The following JAK2 variants were observed in gnomAD, a reference collection of about 807,000 sequenced individuals.
JAK2 encodes the protein tyrosine-protein kinase JAK2.
JAK2 carries 86 observed loss-of-function variants against 139.3 expected under a neutral mutation model. The ratio of observed to expected loss-of-function variants is 0.62; its 90% CI spans 0.52 to 0.74. The LOEUF (loss-of-function observed/expected upper bound fraction) is 0.74, where lower values mean the gene tolerates loss of function less well. JAK2 is among the 30% of genes least tolerant of loss of function. The pLI is 0.00. For missense variants in JAK2, 1,421 were observed against 1,360.3 expected (o/e 1.04, Z -0.70); for synonymous variants, 490 against 437.7 (o/e 1.12, Z -1.49).
intron 2 of JAK2, among the ~76,000 whole-genome samples, chr9:5,004,214 A>T (rs560883480): frequency 2.0e-5 from 3 of 152,290 alleles, no homozygotes; most frequent in Non-Finnish European, 2.9e-5. Flanking sequence ...ATGATGTACA[A>T]TAGATCTCTT....
intron 18 of JAK2, among the ~76,000 whole-genome samples, chr9:5,081,497 T>G (rs1304462805): frequency 6.6e-6 from 1 of 152,236 alleles, no homozygotes; most frequent in Non-Finnish European, 1.5e-5. Flanking sequence ...CTAAAACTTC[T>G]TATTTTGGAA....
intron 2 of JAK2, among the ~76,000 whole-genome samples, chr9:5,021,246 C>T (rs1446929670): frequency 6.6e-6 from 1 of 152,180 alleles, no homozygotes; most frequent in Non-Finnish European, 1.5e-5. Flanking sequence ...CTTAGATGAC[C>T]TATTCAAAGT....
intron 4 of JAK2, among the ~76,000 whole-genome samples, chr9:5,032,288 G>C (rs1823218640): frequency 6.6e-6 from 1 of 152,234 alleles, no homozygotes; most frequent in Non-Finnish European, 1.5e-5. Flanking sequence ...AGCTCAAGGA[G>C]GCCTGCCGGC....
chr9:5,011,046 C>G (rs1186378266), intron 2 of JAK2, among the ~76,000 whole-genome samples: 2 of 152,068 alleles, frequency 1.3e-5, no homozygotes, highest in Non-Finnish European at 2.9e-5. Flanking sequence ...TTAAGATTAT[C>G]TTTTTGTCTT....
chr9:5,084,111 A>C (rs1819908438), intron 19 of JAK2, among the ~76,000 whole-genome samples: 1 of 152,170 alleles, frequency 6.6e-6, no homozygotes, highest in Non-Finnish European at 1.5e-5. Flanking sequence ...AATTCTTTTA[A>C]ACATAAGTAA....
At chr9:5,024,455 A>T (rs1484634059) in intron 3 of JAK2, among the ~76,000 whole-genome samples, 4 of 152,046 alleles carry the variant, frequency 2.6e-5, no homozygotes, top group Non-Finnish European at 5.9e-5. Flanking sequence ...CAGTCCATTT[A>T]CAACTCTGCC....
At chr9:5,087,545 C>A (rs114387611) in intron 19 of JAK2, among the ~76,000 whole-genome samples, 31 of 152,046 alleles carry the variant, frequency 2.0e-4, no homozygotes, top group Admixed American at 1.4e-3. Flanking sequence ...TCTTTCTTTT[C>A]GCTGTATTTT....
In JAK2 at chr9:5,090,523, C is replaced by G. The variant is rs370705658; in HGVS notation, c.2839C>G (p.Arg947Gly). Residue 947 changes from arginine (R) to glycine (G), a missense_variant, in exon 21 of 25, where the codon CGG becomes GGG. Physicochemically the swap from Arg to Gly is moderately radical, Grantham distance 125. Coordinates refer to ENST00000381652, the MANE Select transcript of JAK2 (RefSeq NM_004972.4). The part of the protein sequence containing the change: ...LRDYLQKHKE[R>G]IDHIKLLQYT... ...AGACTATCTTCAAAAACATAAAGAACGGATAGATCACATAAAACTTCTGCA... is the reference window on the plus strand; with the variant it reads ...AGACTATCTTCAAAAACATAAAGAAGGGATAGATCACATAAAACTTCTGCA... 2 of 1,591,602 alleles carry G rather than the reference C, an allele frequency of 1.3e-6. No homozygotes were observed. The highest frequency in any genetic ancestry group is 2.3e-5 in the South Asian group (2 of 85,940).
chr9:5,028,725 A>G (rs986927808), intron 3 of JAK2, among the ~76,000 whole-genome samples: 3 of 152,240 alleles, frequency 2.0e-5, no homozygotes, highest in Non-Finnish European at 4.4e-5. Flanking sequence ...TATGTTAGGG[A>G]CATGGTTTCT....
At chr9:5,044,668 T>A in intron 5 of JAK2, 148 bp downstream of exon 5, 2 of 518,654 alleles carry the variant, frequency 3.9e-6, no homozygotes, top group Middle Eastern at 4.9e-4. Context: ...AAATTGAGTC[T>A]TTTAGCACTA....
Position 5,073,681 on chromosome 9 carries a change from C to CT in JAK2, c.1777-7dup, listed in dbSNP as rs750624043. 8.0e-3 allele frequency: 10,984 copies of CT among 1,365,410 alleles called. No homozygotes were observed. Among genetic ancestry groups the CT allele is most frequent in the Non-Finnish European group, 9.3e-3 (9,232 of 991,250 alleles). The allele number at this position is 1,365,410 out of a possible 1,614,324, so 84.6% of individuals were successfully genotyped here. A position where few individuals can be genotyped will look rare whatever the true frequency, so the allele number is the denominator to read the frequency against. ...AACAGTCAAACAACAATTCTTTGTACTTTTTTTTTTCCTTAGTCTTTCTTT... is the reference window on the plus strand; with the variant it reads ...AACAGTCAAACAACAATTCTTTGTACTTTTTTTTTTTCCTTAGTCTTTCTTT... On this transcript the variant is annotated splice_polypyrimidine_tract_variant and intron_variant, in intron 13 of 24. Coordinates refer to ENST00000381652, the MANE Select transcript of JAK2 (RefSeq NM_004972.4).
chr9:5,030,012 A>G (rs1028719793), intron 4 of JAK2, 106 bp downstream of exon 4: 2 of 870,570 alleles, frequency 2.3e-6, no homozygotes, highest in Non-Finnish European at 3.5e-6. Context: ...ACCTGAACCA[A>G]TTAGTTAGCA....
Position 5,123,167 on chromosome 9 carries a change from G to C in JAK2, c.3177+46G>C, listed in dbSNP as rs1823745807. 7 of 1,317,618 alleles carry C rather than the reference G, an allele frequency of 5.3e-6. 2 individuals are homozygous for C. In the Middle Eastern group the frequency reaches 5.6e-4, roughly 106 times the overall value. 81.6% of individuals were successfully genotyped at this position (1,317,618 alleles called of 1,614,324 possible). ...CTTTCAGTTTTTTGTTTGTTCGTTT[G>C]ATTTTTATAAATTTATGGGGTACAA... On this transcript the variant is annotated intron_variant, in intron 23 of 24. Coordinates refer to ENST00000381652, the MANE Select transcript of JAK2 (RefSeq NM_004972.4).
chr9:5,080,815 A>G, intron 18 of JAK2, 132 bp downstream of exon 18: 2 of 557,240 alleles, frequency 3.6e-6, no homozygotes, highest in Non-Finnish European at 5.9e-6. Flanking sequence ...TCTTATGTTC[A>G]TATGGCTTTT....
At chr9:5,106,066 A>C (rs1312044994) in intron 22 of JAK2, among the ~76,000 whole-genome samples, 1 of 152,246 alleles carries the variant, frequency 6.6e-6, no homozygotes, top group Non-Finnish European at 1.5e-5. Flanking sequence ...GACAGATGGG[A>C]TCTAATTCAA....
chr9:5,097,602 G>T, intron 22 of JAK2: 1 of 151,934 alleles, frequency 6.6e-6, no homozygotes, highest in East Asian at 1.9e-4. Flanking sequence ...TTACTGCTAT[G>T]CCTACTGGCA....
intron 4 of JAK2, chr9:5,041,220 G>C (rs1586686683): frequency 6.8e-7 from 1 of 1,468,048 alleles, no homozygotes; most frequent in East Asian, 2.3e-5. Context: ...TTCCTGGTGG[G>C]GCGCCCGGGG....
chr9:4,986,761 G>A (rs369354215), intron 2 of JAK2, among the ~76,000 whole-genome samples: 9 of 152,082 alleles, frequency 5.9e-5, no homozygotes, highest in African/African-American at 1.7e-4. Context: ...GTGTAAATAC[G>A]AAATTCGTTT....
At chr9:5,126,167 T>TAAC in intron 23 of JAK2, 166 bp from the exon 24 acceptor site, 1 of 520,742 alleles carries the variant, frequency 1.9e-6, no homozygotes, top group Non-Finnish European at 3.4e-6. Flanking sequence ...GTTCCATATT[T>TAAC]AACAGCCTTA....
Sources: allele counts gnomAD v4.1 joint callset (sites outside exome capture counted in the v4.1 genomes callset), GRCh38; gene constraint gnomAD v4.1.1; transcripts MANE v1.5; gene names NCBI Gene and HGNC (gene_info 2026-07-23, HGNC 2026-07-21).